The following MYBPC1 variants were observed in gnomAD, a reference collection of about 807,000 sequenced individuals.
The protein encoded by MYBPC1 is myosin-binding protein C, slow-type.
Under a neutral mutation model 147.1 loss-of-function variants are expected in MYBPC1, and 52 were observed. The ratio of observed to expected loss-of-function variants is 0.35; its 90% CI spans 0.28 to 0.45. The LOEUF is 0.45. MYBPC1 is among the 20% of genes least tolerant of loss of function. MYBPC1 has a pLI of 1.00. For synonymous variants in MYBPC1, 477 were observed against 475.9 expected, an observed-to-expected ratio of 1.00 and a Z score of -0.03; for missense variants, 1,228 against 1,440.3, an observed-to-expected ratio of 0.85 and a Z score of 2.39.
chr12:101,633,508 G>A (rs532247741), intron 8 of MYBPC1, among the ~76,000 whole-genome samples: 17 of 152,112 alleles, frequency 1.1e-4, no homozygotes, highest in Non-Finnish European at 2.1e-4. Context: ...CCAACATGGT[G>A]AAACCCCGTC....
chr12:101,604,301 A>T (rs1261280884), intron 1 of MYBPC1, among the ~76,000 whole-genome samples: 1 of 152,216 alleles, frequency 6.6e-6, no homozygotes, highest in Non-Finnish European at 1.5e-5. Flanking sequence ...TGACTAGGGG[A>T]GGAAAAAAAA....
chr12:101,607,856 A>T (rs1882830172), intron 1 of MYBPC1, among the ~76,000 whole-genome samples: 1 of 152,190 alleles, frequency 6.6e-6, no homozygotes, highest in Admixed American at 6.5e-5. Flanking sequence ...TAATTTTAAG[A>T]CGTAAGATTT....
intron 18 of MYBPC1, among the ~76,000 whole-genome samples, chr12:101,654,733 T>G (rs1895227338): frequency 6.6e-6 from 1 of 152,152 alleles, no homozygotes; most frequent in African/African-American, 2.4e-5. Flanking sequence ...GGACTGGCAC[T>G]CACACAAGGC....
chr12:101,639,368 C>T (rs1230520806), intron 10 of MYBPC1, among the ~76,000 whole-genome samples: 1 of 152,168 alleles, frequency 6.6e-6, no homozygotes, highest in Non-Finnish European at 1.5e-5. Flanking sequence ...GCCATGCAGA[C>T]AGGGTCATGT....
rs1185479917 is a variant in MYBPC1, at chr12:101,677,344, T to A, written c.3059T>A (p.Leu1020His). 6.2e-7 allele frequency: 1 copy of A among 1,614,092 alleles called. No individual in the cohort carries two copies. Among genetic ancestry groups the A allele is most frequent in the Non-Finnish European group, 8.5e-7 (1 of 1,179,990 alleles). The change falls in exon 27 of 32, where the codon CTC becomes CAC. Residue 1020 changes from leucine (L) to histidine (H), a missense_variant. Coordinates refer to ENST00000361466, the MANE Select transcript of MYBPC1 (RefSeq NM_002465.4). ...FRVFSENMCG[L>H]SEDATMTKES... ...GTCTTTTCTGAAAACATGTGTGGCC[T>A]CAGTGAGGATGCCACCATGACTAAA...
chr12:101,678,279 T>C (rs772994705), intron 28 of MYBPC1, 41 bp downstream of exon 28: 2 of 1,608,008 alleles, frequency 1.2e-6, no homozygotes, highest in Middle Eastern at 1.6e-4. Flanking sequence ...GTCCCTGTCT[T>C]GTATTTGTTG....
intron 30 of MYBPC1, among the ~76,000 whole-genome samples, chr12:101,683,365 G>C (rs1951144738): frequency 6.6e-6 from 1 of 152,090 alleles, no homozygotes; most frequent in Non-Finnish European, 1.5e-5. Flanking sequence ...GGAAGGTCGA[G>C]GAGGCTTCAG....
the MYBPC1 span, among the ~76,000 whole-genome samples, chr12:101,692,056 C>A: frequency 5.3e-5 from 8 of 152,038 alleles, no homozygotes; most frequent in Non-Finnish European, 7.4e-5. Context: ...AATAAGGGAT[C>A]GAGGGTACTC....
intron 1 of MYBPC1, among the ~76,000 whole-genome samples, chr12:101,611,844 T>C (rs907045743): frequency 6.6e-6 from 1 of 152,120 alleles, no homozygotes. Flanking sequence ...TTTGGGAGGC[T>C]GAGGCAGGTG....
chr12:101,621,937 G>A (rs959256695), intron 3 of MYBPC1, among the ~76,000 whole-genome samples: 1 of 152,164 alleles, frequency 6.6e-6, no homozygotes, highest in Non-Finnish European at 1.5e-5. Context: ...AACTTCAGTT[G>A]TTTAAAGAAT....
At chr12:101,617,812 G>A (rs1460196800) in intron 3 of MYBPC1, among the ~76,000 whole-genome samples, 2 of 152,046 alleles carry the variant, frequency 1.3e-5, no homozygotes, top group African/African-American at 4.8e-5. Flanking sequence ...TACTTTATAT[G>A]GAGATAGTCT....
At chr12:101,621,070 A>AT (rs762250110) in intron 3 of MYBPC1, among the ~76,000 whole-genome samples, 2 of 152,234 alleles carry the variant, frequency 1.3e-5, no homozygotes, top group African/African-American at 2.4e-5. Flanking sequence ...ATTTAAAAAA[A>AT]TGATTTTTAA....
chr12:101,662,566 T>C lies in MYBPC1; in HGVS notation c.2221+20T>C. On this transcript the variant is annotated intron_variant, in intron 21 of 31. Transcript: ENST00000361466. ...CTTTGGGTAAGTCAAGAGAGATGAG[T>C]CTTTGTCATCAGAATCATTGCCCCA... 6.2e-7 allele frequency: 1 copy of C among 1,611,708 alleles called. No homozygotes were observed. The highest frequency in any genetic ancestry group is 8.5e-7 in the Non-Finnish European group (1 of 1,177,940).
At position 101,680,374 on chromosome 12, in the gene MYBPC1, C is replaced by T. The variant is rs781482729; in HGVS notation, c.3278C>T (p.Ala1093Val). The change falls in exon 29 of 32, where the codon GCT (alanine) becomes GTT (valine). Residue 1093 changes from alanine (A) to valine (V), a missense_variant. By Grantham distance (64) the Ala-to-Val change is moderately conservative. This residue lies in a region of MYBPC1 where 1,077 missense variants were observed against 1,314.2 expected (regional missense o/e 0.82). Coordinates refer to ENST00000361466, the MANE Select transcript of MYBPC1 (RefSeq NM_002465.4). ...ATAACCTGGATGAAAAACAAAGTTG[C>T]TATTGTGGATGATCCAAGATACAGG... The part of the protein sequence containing the change: ...PKITWMKNKV[A>V]IVDDPRYRMF... The T allele has an allele frequency of 6.2e-6, 10 of 1,614,024 alleles. No individual in the cohort carries two copies. Among genetic ancestry groups the T allele is most frequent in the Non-Finnish European group, 8.5e-6 (10 of 1,179,972 alleles).
Position 101,685,591 on chromosome 12 carries a change from C to A in MYBPC1, c.*29C>A. 2.0e-6 allele frequency: 3 copies of A among 1,531,750 alleles called. No individual in the cohort carries two copies. Among genetic ancestry groups the A allele is most frequent in the Non-Finnish European group, 2.6e-6 (3 of 1,143,216 alleles). The allele number at this position is 1,531,750 out of a possible 1,614,324, so 94.9% of individuals were successfully genotyped here. On this transcript the variant is annotated 3_prime_UTR_variant, in exon 32 of 32. Transcript: ENST00000361466. ...TTTTGGTCCTCTCTAGGTGGGCTCT[C>A]CTTCTGCAGACTCCTCTTGCAAGGC... is the stretch of plus-strand genomic sequence containing the variant.
intron 1 of MYBPC1, among the ~76,000 whole-genome samples, chr12:101,595,440 A>G (rs1047528568): frequency 3.9e-5 from 6 of 152,222 alleles, no homozygotes; most frequent in African/African-American, 1.4e-4. Context: ...AGATTTAATC[A>G]CAAATTTTTT....
intron 2 of MYBPC1, among the ~76,000 whole-genome samples, chr12:101,616,965 G>A (rs912132916): frequency 3.3e-5 from 5 of 152,094 alleles, no homozygotes; most frequent in Admixed American, 2.6e-4. Context: ...TGTATTGAGT[G>A]TTCTTATGTG....
At chr12:101,638,069 CA>C (rs937997480) in intron 10 of MYBPC1, among the ~76,000 whole-genome samples, 1 of 152,192 alleles carries the variant, frequency 6.6e-6, no homozygotes, top group African/African-American at 2.4e-5. Context: ...GGCCAGGACC[CA>C]AACCCAAGTT....
chr12:101,650,685 C>T, intron 15 of MYBPC1: 1 of 170,848 alleles, frequency 5.9e-6, no homozygotes, highest in Admixed American at 5.5e-5. Flanking sequence ...CAAACCACAT[C>T]AGTCAGCGAC....
Sources: gnomAD v4.1 joint callset for allele counts (sites outside exome capture counted in the v4.1 genomes callset) on GRCh38, gnomAD v4.1.1 for gene constraint, gnomAD v4.1.1 regional missense constraint, MANE v1.5 for transcripts, NCBI Gene and HGNC (gene_info 2026-07-23, HGNC 2026-07-21) for gene names.